The following TNS1 variants were observed in gnomAD, a reference collection of about 807,000 sequenced individuals.
TNS1 encodes the protein tensin 1, also known as tensin-1.
In TNS1, 62 loss-of-function variants were observed where a neutral mutation model predicts 168.6. The ratio of observed to expected loss-of-function variants is 0.37; its 90% CI spans 0.30 to 0.45. The LOEUF (loss-of-function observed/expected upper bound fraction) is 0.45, where lower values mean the gene tolerates loss of function less well. Among genes scored for constraint, TNS1 ranks in the 20% least tolerant of loss-of-function variants. The pLI is 1.00. For missense variants in TNS1, 2,240 were observed against 2,339.4 expected (o/e 0.96, Z 0.88); for synonymous variants, 934 against 933.2 (o/e 1.00, Z -0.02).
At chr2:217,820,906 C>A (rs1315331624) in intron 23 of TNS1, among the ~76,000 whole-genome samples, 1 of 152,168 alleles carries the variant, frequency 6.6e-6, no homozygotes, top group Non-Finnish European at 1.5e-5. Flanking sequence ...CCCAGGCATC[C>A]CCTAATGGCA....
rs979087646 is a variant in TNS1 at position 217,924,314 on chromosome 2, T to TCA, written c.187-4080_187-4079dup. Among the ~76,000 whole-genome samples, 383 of 149,442 alleles carry TCA rather than the reference T, an allele frequency of 2.6e-3. 1 individual carries two copies. Among genetic ancestry groups the TCA allele is most frequent in the African/African-American group, 7.0e-3 (284 of 40,734 alleles). On this transcript the variant is annotated intron_variant, in intron 3 of 32. Transcript: ENST00000682258. ...CCTTATGTTTCTCTCTCTCTCTCTCTCACACACACACACACACAGCCCCAC... is the reference window on the plus strand; with the variant it reads ...CCTTATGTTTCTCTCTCTCTCTCTCTCACACACACACACACACACAGCCCCAC...
upstream of TNS1, among the ~76,000 whole-genome samples, chr2:218,007,761 A>G (rs1341149348): frequency 6.6e-6 from 1 of 151,888 alleles, no homozygotes; most frequent in Non-Finnish European, 1.5e-5. Flanking sequence ...ATGTTGCCTC[A>G]CCCTACCCCT....
Position 217,804,370 on chromosome 2 carries a change from C to T in TNS1, c.*89G>A, listed in dbSNP as rs1216030771. 9.8e-6 allele frequency: 15 copies of T among 1,536,768 alleles called. No individual in the cohort carries two copies. In the Admixed American group the frequency reaches 3.0e-4, roughly 31 times the overall value. On this transcript the variant is annotated 3_prime_UTR_variant, in exon 33 of 33. Coordinates refer to ENST00000682258, the MANE Select transcript of TNS1 (RefSeq NM_001387777.1). ...TCCTCCGAAATTGGCCCAAAGTCCT[C>T]CTTCTGGGTTCAAGAGTGGTCAGGA...
At chr2:217,956,547 G>A (rs1312643763) in intron 3 of TNS1, among the ~76,000 whole-genome samples, 1 of 152,164 alleles carries the variant, frequency 6.6e-6, no homozygotes, top group Non-Finnish European at 1.5e-5. Flanking sequence ...GTGGGATCCT[G>A]GTGGTCCTAG....
At chr2:217,999,777 T>C (rs1309100172) in intron 1 of TNS1, among the ~76,000 whole-genome samples, 1 of 152,250 alleles carries the variant, frequency 6.6e-6, no homozygotes, top group African/African-American at 2.4e-5. Context: ...TGCTTAGCAC[T>C]GGGCAGGACA....
intron 3 of TNS1, among the ~76,000 whole-genome samples, chr2:217,962,527 A>T (rs1389019457): frequency 6.6e-6 from 1 of 152,172 alleles, no homozygotes; most frequent in Non-Finnish European, 1.5e-5. Flanking sequence ...ATTGGATTCA[A>T]GAAAAAAAAA....
intron 3 of TNS1, among the ~76,000 whole-genome samples, chr2:217,974,571 G>T (rs1957848933): frequency 6.6e-6 from 1 of 152,156 alleles, no homozygotes; most frequent in Non-Finnish European, 1.5e-5. Flanking sequence ...CTATGAGCCG[G>T]CACCGAGGCT....
chr2:217,906,558 C>T (rs1953731623), intron 5 of TNS1, among the ~76,000 whole-genome samples, 173 bp from the exon 6 acceptor site: 1 of 152,192 alleles, frequency 6.6e-6, no homozygotes, highest in Admixed American at 6.5e-5. Context: ...CAGAACTAAC[C>T]AAATCCTCTC....
At position 217,802,176 on chromosome 2, in the gene TNS1, G is replaced by T. The variant is rs1256435202; in HGVS notation, c.*2283C>A. On this transcript the variant is annotated 3_prime_UTR_variant, in exon 33 of 33. Transcript: ENST00000682258. ...ATATCTCCTATCTTGGAAGATAATT[G>T]GGGTTTGCTAGGGAATGAGGAGAGG... 2 of 152,188 alleles carry T rather than the reference G, an allele frequency of 1.3e-5. No individual in the cohort carries two copies. The highest frequency in any genetic ancestry group is 2.9e-5 in the Non-Finnish European group (2 of 68,060). 9.4% of individuals were successfully genotyped at this position (152,188 alleles called of 1,614,324 possible). A position where few individuals can be genotyped will look rare whatever the true frequency, so the allele number is the denominator to read the frequency against.
At chr2:218,015,800 A>C (rs1000708673) in intron 1 of TNS1, among the ~76,000 whole-genome samples, 1 of 152,036 alleles carries the variant, frequency 6.6e-6, no homozygotes, top group African/African-American at 2.4e-5. Flanking sequence ...ATCCATGGGG[A>C]TCCCACAGGC....
At chr2:217,952,163 C>G (rs1957260134) in intron 3 of TNS1, among the ~76,000 whole-genome samples, 1 of 152,244 alleles carries the variant, frequency 6.6e-6, no homozygotes, top group Non-Finnish European at 1.5e-5. Flanking sequence ...TAGATCCCAA[C>G]AGCTGATGGG....
At position 217,848,417 on chromosome 2, in the gene TNS1, C is replaced by T. The variant is rs377471746; in HGVS notation, c.2100G>A (p.Thr700=). 6.4e-5 allele frequency: 102 copies of T among 1,600,620 alleles called. No individual in the cohort carries two copies. Among genetic ancestry groups the T allele is most frequent in the Non-Finnish European group, 8.0e-5 (94 of 1,172,564 alleles). ...SRAGPAHAGH[T]APMRPSYSAQ... ...CAGAGTAGGAGGGCCGCATGGGGGCCGTGTGGCCAGCATGGGCAGGCCCCG... is the reference window on the plus strand; with the variant it reads ...CAGAGTAGGAGGGCCGCATGGGGGCTGTGTGGCCAGCATGGGCAGGCCCCG... The change falls in exon 19 of 33, where the codon ACG becomes ACA. Residue 700 remains threonine (T), a synonymous_variant. Transcript: ENST00000682258.
At position 217,882,537 on chromosome 2, in the gene TNS1, T is replaced by C. The variant is rs959041245; in HGVS notation, c.1247-126A>G. Reference sequence around the variant, plus strand: ...TGGTTAATAATATAATAATAATCAATGTATATTTATACATATATACATGAA... The same window carrying C: ...TGGTTAATAATATAATAATAATCAACGTATATTTATACATATATACATGAA... On this transcript the variant is annotated intron_variant, in intron 16 of 32. Transcript: ENST00000682258. The C allele has an allele frequency of 1.4e-5, 8 of 572,708 alleles. No individual in the cohort carries two copies. In the Admixed American group the frequency reaches 1.7e-4, roughly 12 times the overall value. 35.5% of individuals were successfully genotyped at this position (572,708 alleles called of 1,614,324 possible).
At chr2:217,810,924 C>A (rs987797630) in intron 28 of TNS1, among the ~76,000 whole-genome samples, 4 of 150,560 alleles carry the variant, frequency 2.7e-5, no homozygotes, top group African/African-American at 4.9e-5. Context: ...GTCACCCAGG[C>A]TGGAGTGCAG....
intron 18 of TNS1, among the ~76,000 whole-genome samples, chr2:217,878,945 T>C (rs1260849539): frequency 6.6e-6 from 1 of 152,172 alleles, no homozygotes; most frequent in Non-Finnish European, 1.5e-5. Context: ...TTCTAATCCA[T>C]TCCCTCAGAC....
At chr2:217,929,780 A>C (rs1956225007) in intron 3 of TNS1, among the ~76,000 whole-genome samples, 2 of 146,006 alleles carry the variant, frequency 1.4e-5, no homozygotes, top group African/African-American at 2.6e-5. Context: ...CCTCCCTTCC[A>C]CCAAGCCTAG....
chr2:217,966,303 G>GTGTGTGTT (rs1957631552), intron 3 of TNS1, among the ~76,000 whole-genome samples: 1 of 145,808 alleles, frequency 6.9e-6, no homozygotes, highest in Non-Finnish European at 1.5e-5. Flanking sequence ...GTGTGTGTGT[G>GTGTGTGTT]TGTGTGCGCG....
intron 5 of TNS1, among the ~76,000 whole-genome samples, chr2:217,906,701 A>C (rs537389672): frequency 2.0e-5 from 3 of 152,138 alleles, no homozygotes; most frequent in South Asian, 2.1e-4. Flanking sequence ...CAAGATTTGA[A>C]CCGAAGTCCT....
At chr2:217,937,938 A>C (rs1370226412) in intron 3 of TNS1, among the ~76,000 whole-genome samples, 3 of 152,132 alleles carry the variant, frequency 2.0e-5, no homozygotes. Context: ...CCCAGGACTG[A>C]ACACAAAAAC....
Sources: gnomAD v4.1 joint callset for allele counts (sites outside exome capture counted in the v4.1 genomes callset) on GRCh38, gnomAD v4.1.1 for gene constraint, MANE v1.5 for transcripts, NCBI Gene and HGNC (gene_info 2026-07-23, HGNC 2026-07-21) for gene names.